KLF12: variants seen among roughly 807,000 people sequenced by gnomAD.
The protein encoded by KLF12 is Krueppel-like factor 12.
In KLF12, 9 loss-of-function variants were observed where a neutral mutation model predicts 37.8. The observed-to-expected ratio is 0.24, with a 90% confidence interval of 0.14 to 0.42. The LOEUF (loss-of-function observed/expected upper bound fraction) is 0.42, where lower values mean the gene tolerates loss of function less well. Among genes scored for constraint, KLF12 ranks in the 10% least tolerant of loss-of-function variants. The pLI, the probability that KLF12 is intolerant of heterozygous loss-of-function variation, is 1.00. For synonymous variants in KLF12, 208 were observed against 202.1 expected (o/e 1.03, Z -0.25); for missense variants, 411 against 516.0 (o/e 0.80, Z 1.97).
intron 3 of KLF12, among the ~76,000 whole-genome samples, chr13:73,910,683 G>A (rs934936175): frequency 2.0e-5 from 3 of 152,068 alleles, no homozygotes; most frequent in African/African-American, 7.2e-5. Flanking sequence ...TAATAATAAT[G>A]CACTGAATAT....
At chr13:73,974,662 C>T (rs772250650) in intron 2 of KLF12, among the ~76,000 whole-genome samples, 2 of 151,950 alleles carry the variant, frequency 1.3e-5, no homozygotes, top group Non-Finnish European at 2.9e-5. Context: ...AAGTGTGATC[C>T]GATTACTTTA....
intron 5 of KLF12, among the ~76,000 whole-genome samples, chr13:73,791,242 T>C (rs1881671068): frequency 6.6e-6 from 1 of 152,224 alleles, no homozygotes; most frequent in Non-Finnish European, 1.5e-5. Flanking sequence ...CAAGTGTATA[T>C]TCATGTGCCT....
chr13:74,004,589 G>A (rs1050291996), intron 1 of KLF12, among the ~76,000 whole-genome samples: 5 of 152,058 alleles, frequency 3.3e-5, no homozygotes, highest in Admixed American at 6.5e-5. Context: ...AAAATATGCA[G>A]AAAGCCAACA....
intron 3 of KLF12, among the ~76,000 whole-genome samples, chr13:73,894,482 C>T (rs1209106278): frequency 6.6e-6 from 1 of 152,154 alleles, no homozygotes; most frequent in Non-Finnish European, 1.5e-5. Flanking sequence ...AAGAGGTTGT[C>T]ACCATGAATG....
At chr13:73,836,254 T>C (rs758187501) in intron 4 of KLF12, among the ~76,000 whole-genome samples, 5 of 152,028 alleles carry the variant, frequency 3.3e-5, no homozygotes, top group Non-Finnish European at 7.4e-5. Flanking sequence ...ACCCAGTTAA[T>C]CAAATTTCCC....
chr13:73,996,656 A>G (rs1892129498), intron 1 of KLF12, among the ~76,000 whole-genome samples: 1 of 152,242 alleles, frequency 6.6e-6, no homozygotes, highest in Non-Finnish European at 1.5e-5. Flanking sequence ...ATCACACATA[A>G]ACACCCTTCC....
chr13:73,692,681 T>C lies in KLF12; in HGVS notation c.*2809A>G, dbSNP rs1266326911. The C allele has an allele frequency of 1.3e-5, 2 of 152,628 alleles. No individual in the cohort carries two copies. The highest frequency in any genetic ancestry group is 2.4e-5 in the African/African-American group (1 of 41,446). The allele number at this position is 152,628 out of a possible 1,614,324, so 9.5% of individuals were successfully genotyped here. ...TTCTCCTTTCCATGGGGAAATACTT[T>C]TAGAAAACTCACCAAGGAGAATTTG... is the stretch of plus-strand genomic sequence containing the variant. On this transcript the variant is annotated 3_prime_UTR_variant, in exon 8 of 8. Coordinates refer to ENST00000377669, the MANE Select transcript of KLF12 (RefSeq NM_007249.5).
At chr13:73,776,161 T>G (rs998550636) in intron 5 of KLF12, among the ~76,000 whole-genome samples, 4 of 152,184 alleles carry the variant, frequency 2.6e-5, no homozygotes, top group African/African-American at 7.2e-5. Flanking sequence ...TTTATGTAGG[T>G]GTGTGTGTAT....
chr13:74,282,513 G>A, the KLF12 span, among the ~76,000 whole-genome samples: 1 of 152,172 alleles, frequency 6.6e-6, no homozygotes, highest in African/African-American at 2.4e-5. Context: ...ATGGTCTGAA[G>A]TTCCCTAGGG....
intron 3 of KLF12, among the ~76,000 whole-genome samples, chr13:73,887,251 T>C (rs936914356): frequency 1.3e-5 from 2 of 152,204 alleles, no homozygotes; most frequent in Admixed American, 1.3e-4. Context: ...GTAGTAAAGA[T>C]GGCAAAGAGA....
At chr13:73,841,133 G>C (rs144587791) in intron 4 of KLF12, among the ~76,000 whole-genome samples, 222 of 152,292 alleles carry the variant, frequency 1.5e-3, no homozygotes, top group African/African-American at 4.2e-3. Flanking sequence ...CCTGACAGTA[G>C]GGACTTGCTC....
the KLF12 span, among the ~76,000 whole-genome samples, chr13:74,208,976 G>A: frequency 3.3e-5 from 5 of 152,024 alleles, no homozygotes; most frequent in Non-Finnish European, 7.4e-5. Flanking sequence ...ATTTCATACG[G>A]GAGCACTAAA....
intron 3 of KLF12, among the ~76,000 whole-genome samples, chr13:73,878,063 G>A (rs989140139): frequency 4.6e-5 from 7 of 151,842 alleles, no homozygotes; most frequent in African/African-American, 1.7e-4. Flanking sequence ...TAGTATTTTA[G>A]CTGTCATAAA....
chr13:74,227,199 G>A, the KLF12 span, among the ~76,000 whole-genome samples: 1 of 152,150 alleles, frequency 6.6e-6, no homozygotes, highest in South Asian at 2.1e-4. Flanking sequence ...CTTCTACCCA[G>A]AATATTCTTC....
chr13:73,994,113 T>C (rs559991633), intron 2 of KLF12, among the ~76,000 whole-genome samples: 2 of 152,320 alleles, frequency 1.3e-5, no homozygotes, highest in East Asian at 1.9e-4. Context: ...AAGAAGGCAA[T>C]TTAAGTGAAA....
intron 3 of KLF12, among the ~76,000 whole-genome samples, chr13:73,872,470 A>G (rs751444494): frequency 5.9e-5 from 9 of 152,226 alleles, no homozygotes; most frequent in Non-Finnish European, 8.8e-5. Context: ...GCAGAATGTA[A>G]GGTGGGTGAC....
At chr13:74,161,546 T>A in the KLF12 span, among the ~76,000 whole-genome samples, 6 of 152,170 alleles carry the variant, frequency 3.9e-5, no homozygotes, top group Non-Finnish European at 8.8e-5. Flanking sequence ...TGGAACAGAT[T>A]CTCCCTCAGA....
At chr13:74,191,661 G>A in the KLF12 span, among the ~76,000 whole-genome samples, 1 of 152,122 alleles carries the variant, frequency 6.6e-6, no homozygotes. Flanking sequence ...TAGCATACAG[G>A]CCTACTTAGA....
At chr13:74,271,865 G>C in the KLF12 span, among the ~76,000 whole-genome samples, 43 of 152,248 alleles carry the variant, frequency 2.8e-4, no homozygotes, top group African/African-American at 9.1e-4. Flanking sequence ...CCATGGGTAT[G>C]GTGACCAGAC....
Sources: allele counts gnomAD v4.1 joint callset (sites outside exome capture counted in the v4.1 genomes callset), GRCh38; gene constraint gnomAD v4.1.1; transcripts MANE v1.5; gene names NCBI Gene and HGNC (gene_info 2026-07-23, HGNC 2026-07-21).